CCNY: variants seen among roughly 807,000 people sequenced by gnomAD.
CCNY encodes cyclin Y, also known as cyclin-Y.
A neutral mutation model predicts 42.8 loss-of-function variants in CCNY; 19 were observed. The ratio of observed to expected loss-of-function variants is 0.44; its 90% CI spans 0.31 to 0.65. CCNY has a LOEUF of 0.65. CCNY is among the 30% of genes least tolerant of loss of function. The pLI is 0.07. For synonymous variants in CCNY, 165 were observed against 162.7 expected (o/e 1.01, Z -0.11); for missense variants, 370 against 437.3 (o/e 0.85, Z 1.37).
Position 35,247,651 on chromosome 10 carries a change from C to T in CCNY, c.-216-458C>T, listed in dbSNP as rs138973730. Among the ~76,000 whole-genome samples the T allele has an allele frequency of 4.0e-3, 604 of 150,698 alleles. 1 individual carries two copies. The highest frequency in any genetic ancestry group is 0.013 in the African/African-American group (553 of 41,102). ...CAGCACTTTGGGAGGCTGAGGCGGG[C>T]GGATCACAACGTCAGGAGATCGAGA... On this transcript the variant is annotated intron_variant, in intron 1 of 11. Transcript: ENST00000374706.
At chr10:35,350,777 G>A (rs1225990250) in intron 1 of CCNY, among the ~76,000 whole-genome samples, 3 of 152,212 alleles carry the variant, frequency 2.0e-5, no homozygotes, top group Non-Finnish European at 4.4e-5. Flanking sequence ...CAGGTGCACT[G>A]CTGCTGGATT....
At chr10:35,348,807 A>T (rs537312478) in intron 1 of CCNY, among the ~76,000 whole-genome samples, 1 of 152,116 alleles carries the variant, frequency 6.6e-6, no homozygotes, top group Non-Finnish European at 1.5e-5. Flanking sequence ...TCAGTCAGGG[A>T]TGGTCTGAAT....
Position 35,337,226 on chromosome 10 carries a change from G to C in CCNY, c.154+19G>C. ...ATAGACGGTGAGTGCGGCCCGCCGA[G>C]CCCCCTACCCGCCCCCGCGGCAACA... is the stretch of plus-strand genomic sequence containing the variant. On this transcript the variant is annotated intron_variant, in intron 1 of 9. Transcript: ENST00000374704. 1 of 1,501,564 alleles carries C rather than the reference G, an allele frequency of 6.7e-7. No individual in the cohort carries two copies. Among genetic ancestry groups the C allele is most frequent in the Non-Finnish European group, 8.9e-7 (1 of 1,120,046 alleles). The allele number at this position is 1,501,564 out of a possible 1,614,324, so 93.0% of individuals were successfully genotyped here. A position where few individuals can be genotyped will look rare whatever the true frequency, so the allele number is the denominator to read the frequency against.
chr10:35,368,118 GAAC>G (rs966836343), intron 1 of CCNY, among the ~76,000 whole-genome samples: 11 of 152,308 alleles, frequency 7.2e-5, no homozygotes, highest in African/African-American at 2.6e-4. Context: ...GAGGTTGTTA[GAAC>G]AACGAGAACT....
chr10:35,445,100 T>C (rs1224116236), intron 1 of CCNY, among the ~76,000 whole-genome samples: 2 of 152,206 alleles, frequency 1.3e-5, no homozygotes, highest in Admixed American at 6.5e-5. Flanking sequence ...GAACAGTAAA[T>C]GGAACTGCTT....
chr10:35,435,463 C>T (rs1180944370), intron 1 of CCNY, among the ~76,000 whole-genome samples: 4 of 152,200 alleles, frequency 2.6e-5, no homozygotes, highest in Admixed American at 2.6e-4. Context: ...CGGGCTGTCT[C>T]ATAGGCCCGT....
chr10:35,391,025 A>G (rs1837402140), intron 1 of CCNY, among the ~76,000 whole-genome samples: 1 of 152,198 alleles, frequency 6.6e-6, no homozygotes, highest in Non-Finnish European at 1.5e-5. Context: ...GAGATGTGTG[A>G]CTTTGGGCAA....
intron 1 of CCNY, among the ~76,000 whole-genome samples, chr10:35,247,799 C>T (rs2095709144): frequency 6.7e-6 from 1 of 149,122 alleles, no homozygotes; most frequent in African/African-American, 2.5e-5. Flanking sequence ...TGGCGTAAAC[C>T]CAGGAGGTGG....
chr10:35,333,886 G>T (rs1835975514), upstream of CCNY, among the ~76,000 whole-genome samples: 1 of 152,142 alleles, frequency 6.6e-6, no homozygotes, highest in African/African-American at 2.4e-5. Flanking sequence ...TGGATGAGTT[G>T]TGGGGGTCGG....
intron 3 of CCNY, among the ~76,000 whole-genome samples, chr10:35,277,793 G>T (rs1026904055): frequency 7.9e-5 from 12 of 151,948 alleles, no homozygotes; most frequent in African/African-American, 2.4e-4. Context: ...GCTGGGCCAT[G>T]GTCATCTGCA....
At chr10:35,494,722 A>G (rs989923932) in intron 2 of CCNY, among the ~76,000 whole-genome samples, 1 of 152,234 alleles carries the variant, frequency 6.6e-6, no homozygotes, top group Non-Finnish European at 1.5e-5. Context: ...CTAACACACC[A>G]ATAGAAAAAT....
At chr10:35,355,051 G>A (rs1004144548) in intron 1 of CCNY, among the ~76,000 whole-genome samples, 1 of 152,180 alleles carries the variant, frequency 6.6e-6, no homozygotes, top group African/African-American at 2.4e-5. Flanking sequence ...AGAGGATTGA[G>A]TTTCCTTTGC....
At chr10:35,258,667 A>G (rs4391768) in intron 3 of CCNY, among the ~76,000 whole-genome samples, 55,558 of 152,056 alleles carry the variant, frequency 0.37, 10,648 homozygotes, top group African/African-American at 0.49. Flanking sequence ...CATGTGGGGT[A>G]CAGTGGCTCA....
chr10:35,378,735 T>C (rs1246822470), intron 1 of CCNY, among the ~76,000 whole-genome samples: 1 of 152,146 alleles, frequency 6.6e-6, no homozygotes, highest in Non-Finnish European at 1.5e-5. Context: ...ATCCTTACCA[T>C]GATCTTACTA....
At chr10:35,303,651 C>A (rs1318126915) in intron 3 of CCNY, among the ~76,000 whole-genome samples, 1 of 150,520 alleles carries the variant, frequency 6.6e-6, no homozygotes, top group Non-Finnish European at 1.5e-5. Context: ...GTGGTGCATG[C>A]CTGTAATCCC....
At chr10:35,424,886 C>T (rs543409108) in intron 1 of CCNY, among the ~76,000 whole-genome samples, 2 of 152,320 alleles carry the variant, frequency 1.3e-5, no homozygotes, top group East Asian at 3.9e-4. Flanking sequence ...CACTGTCCTC[C>T]AGCCACACCA....
chr10:35,407,124 A>T (rs575004595), intron 1 of CCNY, among the ~76,000 whole-genome samples: 1 of 152,308 alleles, frequency 6.6e-6, no homozygotes, highest in South Asian at 2.1e-4. Context: ...AAAAAGGAGC[A>T]TTAACCTTGA....
At chr10:35,464,568 T>C (rs1162835028) in intron 1 of CCNY, among the ~76,000 whole-genome samples, 1 of 152,146 alleles carries the variant, frequency 6.6e-6, no homozygotes, top group Non-Finnish European at 1.5e-5. Context: ...GTATGCTTTT[T>C]TTTTTTTTTA....
rs1378935915 is a variant in CCNY, at chr10:35,516,673, T to TCC, written c.365+50_365+51insCC. On this transcript the variant is annotated intron_variant, in intron 4 of 9. Coordinates refer to ENST00000374704, the MANE Select transcript of CCNY (RefSeq NM_145012.6). ...CCTTCCTTCCTTCCTTTTTTTTTTTTTTTTTTTTTTTTTTTACTTAACTGA... is the reference window on the plus strand; with the variant it reads ...CCTTCCTTCCTTCCTTTTTTTTTTTTCCTTTTTTTTTTTTTTTACTTAACTGA... The TCC allele has an allele frequency of 5.4e-5, 57 of 1,061,558 alleles. No homozygotes were observed. The African/African-American group carries it at 6.3e-4, about 12-fold the overall frequency. 65.8% of individuals were successfully genotyped at this position (1,061,558 alleles called of 1,614,324 possible). A position where few individuals can be genotyped will look rare whatever the true frequency, so the allele number is the denominator to read the frequency against.
Sources: gnomAD v4.1 joint callset for allele counts (sites outside exome capture counted in the v4.1 genomes callset) on GRCh38, gnomAD v4.1.1 for gene constraint, MANE v1.5 for transcripts, NCBI Gene and HGNC (gene_info 2026-07-23, HGNC 2026-07-21) for gene names.